The following XYLT1 variants were observed in gnomAD, a reference collection of about 807,000 sequenced individuals.
XYLT1 encodes beta-D-xylosyltransferase 1.
A neutral mutation model predicts 91.3 loss-of-function variants in XYLT1; 36 were observed. The ratio of observed to expected loss-of-function variants is 0.39; its 90% CI spans 0.30 to 0.52. XYLT1 has a LOEUF of 0.52. Ranked by LOEUF, XYLT1 falls within the 20% of genes least tolerant of loss-of-function variation. The pLI is 0.68. For missense variants in XYLT1, 1,242 were observed against 1,284.5 expected, an observed-to-expected ratio of 0.97 and a Z score of 0.51; for synonymous variants, 588 against 532.0, an observed-to-expected ratio of 1.11 and a Z score of -1.45.
chr16:17,400,629 G>GAGGAAGGGAGGA (rs1555454213), intron 1 of XYLT1, among the ~76,000 whole-genome samples: 3 of 132,740 alleles, frequency 2.3e-5, no homozygotes, highest in Admixed American at 8.1e-5. Context: ...GGGAGGAAGG[G>GAGGAAGGGAGGA]AGGAAGGAAG....
intron 3 of XYLT1, among the ~76,000 whole-genome samples, chr16:17,235,243 T>C (rs11861898): frequency 0.054 from 8,121 of 151,466 alleles, 291 homozygotes; most frequent in African/African-American, 0.092. Context: ...GTTCAAGTCA[T>C]ACACAAGTTG....
Position 17,170,148 on chromosome 16 carries a change from A to C in XYLT1, c.1290-11239T>G, listed in dbSNP as rs910207575. 5.9e-5 allele frequency among the ~76,000 whole-genome samples: 9 copies of C among 152,296 alleles called. No individual in the cohort carries two copies. In the South Asian group the frequency reaches 1.9e-3, roughly 32 times the overall value. On this transcript the variant is annotated intron_variant, in intron 5 of 11. Transcript: ENST00000261381. Reference sequence around the variant, plus strand: ...GTACATGCAGTGCCTGGTGCATAGCAGGTGCGCAGTAACTGGAGTTCCTTG... The same window carrying C: ...GTACATGCAGTGCCTGGTGCATAGCCGGTGCGCAGTAACTGGAGTTCCTTG...
chr16:17,134,513 C>T lies in XYLT1; in HGVS notation c.1987G>A (p.Ala663Thr). ...CCATCCGTGTGCAGGGACGTCTCGG[C>T]CCGTCGAAGACCCAGGCGGGCAAAG... The part of the protein sequence containing the change: ...HSFARLGLRR[A>T]ETSLHTDGEN... Residue 663 changes from alanine (A) to threonine (T), a missense_variant, in exon 9 of 12, where the codon GCC (alanine) becomes ACC (threonine). Physicochemically the swap from Ala to Thr is moderately conservative, Grantham distance 58. Coordinates refer to ENST00000261381, the MANE Select transcript of XYLT1 (RefSeq NM_022166.4). 6.2e-7 allele frequency: 1 copy of T among 1,614,158 alleles called. No individual in the cohort carries two copies. The highest frequency in any genetic ancestry group is 1.3e-5 in the African/African-American group (1 of 75,034).
intron 9 of XYLT1, among the ~76,000 whole-genome samples, chr16:17,131,660 A>G (rs2030483365): frequency 6.6e-6 from 1 of 152,214 alleles, no homozygotes; most frequent in Non-Finnish European, 1.5e-5. Flanking sequence ...CTGCCATTTC[A>G]GAAACTTCTG....
intron 1 of XYLT1, among the ~76,000 whole-genome samples, chr16:17,433,284 A>G (rs2036413430): frequency 6.6e-6 from 1 of 151,968 alleles, no homozygotes; most frequent in African/African-American, 2.4e-5. Flanking sequence ...TGGCAGAAAA[A>G]ACTCCCATGT....
At chr16:17,143,934 C>T (rs2141523936) in intron 6 of XYLT1, among the ~76,000 whole-genome samples, 1 of 152,320 alleles carries the variant, frequency 6.6e-6, no homozygotes. Context: ...AGTATCACCA[C>T]CATCTTCATC....
At chr16:17,466,458 C>T (rs578009076) in intron 1 of XYLT1, among the ~76,000 whole-genome samples, 6 of 152,278 alleles carry the variant, frequency 3.9e-5, no homozygotes, top group South Asian at 4.2e-4. Flanking sequence ...TACACAATGA[C>T]GCGATGATGT....
At chr16:17,304,646 C>T (rs2034445671) in intron 2 of XYLT1, among the ~76,000 whole-genome samples, 1 of 152,074 alleles carries the variant, frequency 6.6e-6, no homozygotes, top group Non-Finnish European at 1.5e-5. Context: ...GGTAAATCCA[C>T]AGTTAAGATT....
intron 1 of XYLT1, among the ~76,000 whole-genome samples, chr16:17,366,242 T>C (rs1477842293): frequency 6.6e-6 from 1 of 152,200 alleles, no homozygotes; most frequent in East Asian, 1.9e-4. Flanking sequence ...ACTGAGTAGC[T>C]GGCCTGGCTA....
Position 17,430,302 on chromosome 16 carries a change from C to T in XYLT1, c.363+40132G>A, listed in dbSNP as rs761366177. 7.2e-5 allele frequency among the ~76,000 whole-genome samples: 11 copies of T among 152,052 alleles called. No individual in the cohort carries two copies. The South Asian group carries it at 1.0e-3, about 14-fold the overall frequency. On this transcript the variant is annotated intron_variant, in intron 1 of 11. Coordinates refer to ENST00000261381, the MANE Select transcript of XYLT1 (RefSeq NM_022166.4). ...GTACCACCATGATGCTCAAATGAAA[C>T]GCTCACTGGAACATTTTGGATTTCA...
At chr16:17,112,881 C>G (rs1358196701) in intron 11 of XYLT1, among the ~76,000 whole-genome samples, 2 of 150,264 alleles carry the variant, frequency 1.3e-5, no homozygotes, top group African/African-American at 4.8e-5. Context: ...GCTCTTGTTG[C>G]CAGGCTGGAG....
intron 1 of XYLT1, among the ~76,000 whole-genome samples, chr16:17,460,313 A>C (rs1199463780): frequency 2.0e-5 from 3 of 152,194 alleles, no homozygotes; most frequent in Non-Finnish European, 4.4e-5. Context: ...TGCAGAGGGG[A>C]AACAGGTTTA....
chr16:17,280,070 G>A (rs900090839), intron 2 of XYLT1, among the ~76,000 whole-genome samples: 2 of 152,180 alleles, frequency 1.3e-5, no homozygotes, highest in Admixed American at 6.5e-5. Context: ...AGCTATCCAG[G>A]CTGGGCGTGG....
chr16:17,112,835 G>A (rs1024160964), intron 11 of XYLT1, among the ~76,000 whole-genome samples: 3 of 152,206 alleles, frequency 2.0e-5, no homozygotes, highest in Admixed American at 6.5e-5. Flanking sequence ...TCCTATGATA[G>A]AGGATTGATT....
intron 2 of XYLT1, among the ~76,000 whole-genome samples, chr16:17,287,632 A>G (rs1459709780): frequency 2.0e-5 from 3 of 152,220 alleles, no homozygotes; most frequent in Admixed American, 6.5e-5. Flanking sequence ...GAGCCCTCCC[A>G]GGGCCCTGGA....
At chr16:17,287,675 C>A (rs1448954418) in intron 2 of XYLT1, among the ~76,000 whole-genome samples, 2 of 152,158 alleles carry the variant, frequency 1.3e-5, no homozygotes, top group Non-Finnish European at 2.9e-5. Flanking sequence ...ATTAAGGGCC[C>A]ACTGTGTGGG....
intron 5 of XYLT1, among the ~76,000 whole-genome samples, chr16:17,187,393 C>CAAAAAA (rs71137979): frequency 1.8e-5 from 1 of 55,304 alleles, no homozygotes; most frequent in Admixed American, 2.7e-4. Flanking sequence ...GACTCAGTTT[C>CAAAAAA]AAAAAAAAAA....
At chr16:17,162,092 G>A (rs1207515704) in intron 5 of XYLT1, among the ~76,000 whole-genome samples, 1 of 152,134 alleles carries the variant, frequency 6.6e-6, no homozygotes. Context: ...TATTGCATTT[G>A]ATAGTCACAA....
intron 1 of XYLT1, among the ~76,000 whole-genome samples, chr16:17,450,486 A>C (rs967899261): frequency 3.3e-5 from 5 of 152,218 alleles, no homozygotes; most frequent in Admixed American, 6.5e-5. Context: ...TGGAAGTGGG[A>C]AAGGACACGT....
Sources: gnomAD v4.1 joint callset for allele counts (sites outside exome capture counted in the v4.1 genomes callset) on GRCh38, gnomAD v4.1.1 for gene constraint, MANE v1.5 for transcripts, NCBI Gene and HGNC (gene_info 2026-07-23, HGNC 2026-07-21) for gene names.